The following MS4A13 variants were observed in gnomAD, a reference collection of about 807,000 sequenced individuals.
The protein encoded by MS4A13 is membrane spanning 4-domains A13, also known as membrane-spanning 4-domains subfamily A member 13.
Under a neutral mutation model 18.4 loss-of-function variants are expected in MS4A13, and 21 were observed. That is an observed-to-expected ratio of 1.14 (90% confidence interval 0.81 to 1.64). The LOEUF (loss-of-function observed/expected upper bound fraction) is 1.64. MS4A13 is among the 40% of genes most tolerant of loss of function. The pLI is 0.00. For synonymous variants in MS4A13, 62 were observed against 57.2 expected (o/e 1.08, Z -0.38); for missense variants, 173 against 176.8 (o/e 0.98, Z 0.12).
At chr11:60,532,466 G>C (rs2086777650) in intron 6 of MS4A13, among the ~76,000 whole-genome samples, 1 of 152,224 alleles carries the variant, frequency 6.6e-6, no homozygotes, top group Admixed American at 6.5e-5. Flanking sequence ...TTTCAGACCG[G>C]CTCAAAAAAC....
chr11:60,538,039 A>C (rs1170878136), intron 6 of MS4A13, among the ~76,000 whole-genome samples: 1 of 53,076 alleles, frequency 1.9e-5, no homozygotes, highest in Non-Finnish European at 3.4e-5. Flanking sequence ...GGGTCGGGGG[A>C]GGGGGGAGGG....
chr11:60,533,297 C>T (rs1191539061), intron 6 of MS4A13, among the ~76,000 whole-genome samples: 1 of 95,880 alleles, frequency 1.0e-5, no homozygotes, highest in Non-Finnish European at 2.1e-5. Flanking sequence ...GAATGTATAA[C>T]TAGAATAACC....
intron 6 of MS4A13, among the ~76,000 whole-genome samples, chr11:60,533,234 AG>A (rs1185049707): frequency 1.8e-5 from 1 of 56,570 alleles, no homozygotes; most frequent in Non-Finnish European, 3.6e-5. Flanking sequence ...GAGCTACGGG[AG>A]GACATTCAAA....
In MS4A13 at chr11:60,531,624, G is replaced by T. The variant is rs566093265; in HGVS notation, c.402+2164G>T. Among the ~76,000 whole-genome samples, 4 of 152,298 alleles carry T rather than the reference G, an allele frequency of 2.6e-5. 1 individual carries two copies. The East Asian group carries it at 7.7e-4, about 29-fold the overall frequency. On this transcript the variant is annotated intron_variant, in intron 6 of 6. Coordinates refer to ENST00000378186, the MANE Select transcript of MS4A13 (RefSeq NM_001012417.3). ...CTATAACAAAGCACCACAGACTGTA[G>T]CTTAAACAACAAACTTATTTTCTTA...
chr11:60,542,076 C>A (rs1426322405), intron 6 of MS4A13, among the ~76,000 whole-genome samples: 1 of 147,662 alleles, frequency 6.8e-6, no homozygotes, highest in Non-Finnish European at 1.5e-5. Context: ...CCACTGCACT[C>A]CAGCCTGGGC....
intron 6 of MS4A13, among the ~76,000 whole-genome samples, chr11:60,531,415 T>G (rs1384985628): frequency 3.3e-5 from 5 of 152,188 alleles, no homozygotes; most frequent in African/African-American, 1.2e-4. Context: ...TGTGCAAAGC[T>G]ATACACATAC....
intron 2 of MS4A13, among the ~76,000 whole-genome samples, chr11:60,516,466 T>C (rs1424866911): frequency 6.6e-6 from 1 of 152,244 alleles, no homozygotes; most frequent in African/African-American, 2.4e-5. Context: ...ATCATGCTTT[T>C]TCACATCCAA....
intron 3 of MS4A13, among the ~76,000 whole-genome samples, chr11:60,519,050 T>A (rs958530162): frequency 2.6e-5 from 4 of 151,994 alleles, no homozygotes; most frequent in African/African-American, 9.7e-5. Context: ...ATGATATGAG[T>A]AAATGGGGGT....
chr11:60,516,392 A>G (rs1209114660), intron 2 of MS4A13, among the ~76,000 whole-genome samples: 1 of 152,228 alleles, frequency 6.6e-6, no homozygotes, highest in Non-Finnish European at 1.5e-5. Flanking sequence ...TGTCTCTTCT[A>G]TTAAGTTATA....
chr11:60,538,189 A>AAAAC, intron 6 of MS4A13, among the ~76,000 whole-genome samples: 1 of 151,054 alleles, frequency 6.6e-6, no homozygotes, highest in Admixed American at 6.6e-5. Context: ...AAAAAAAAAA[A>AAAAC]AACGAAAAAA....
intron 6 of MS4A13, among the ~76,000 whole-genome samples, chr11:60,539,799 G>T (rs1407159821): frequency 6.6e-6 from 1 of 152,184 alleles, no homozygotes; most frequent in Non-Finnish European, 1.5e-5. Context: ...GAAGGTAGTG[G>T]AATGGGATAT....
intron 6 of MS4A13, among the ~76,000 whole-genome samples, chr11:60,539,895 C>A (rs142050640): frequency 6.6e-6 from 1 of 152,104 alleles, no homozygotes; most frequent in Non-Finnish European, 1.5e-5. Context: ...TACAGACATA[C>A]ACAGATGAAT....
intron 5 of MS4A13, among the ~76,000 whole-genome samples, chr11:60,528,004 A>G (rs1421239734): frequency 6.6e-6 from 1 of 152,216 alleles, no homozygotes; most frequent in African/African-American, 2.4e-5. Flanking sequence ...TTGGTATTTC[A>G]AACTTTCTAC....
chr11:60,527,362 GTCTCTCTCTCTC>G (rs1313348420), intron 5 of MS4A13, among the ~76,000 whole-genome samples: 1 of 62,584 alleles, frequency 1.6e-5, no homozygotes, highest in African/African-American at 7.3e-5. Context: ...CATTCATTCC[GTCTCTCTCTCTC>G]TCTCTCTCTC....
intron 6 of MS4A13, among the ~76,000 whole-genome samples, chr11:60,536,485 T>C (rs1331496892): frequency 2.6e-5 from 1 of 38,876 alleles, no homozygotes; most frequent in Non-Finnish European, 5.3e-5. Context: ...GAAGGACCTC[T>C]TCAAGGAGAA....
chr11:60,527,793 G>A (rs546244979), intron 5 of MS4A13, among the ~76,000 whole-genome samples: 5 of 152,016 alleles, frequency 3.3e-5, no homozygotes, highest in East Asian at 1.9e-4. Context: ...CCGAGATTGC[G>A]CCACTGCACT....
chr11:60,542,145 G>A (rs1272647827), intron 6 of MS4A13, among the ~76,000 whole-genome samples: 1 of 139,336 alleles, frequency 7.2e-6, no homozygotes, highest in Non-Finnish European at 1.5e-5. Flanking sequence ...AAGGAAGGAA[G>A]GAATGTAGGA....
chr11:60,540,204 C>G (rs1287421720), intron 6 of MS4A13, among the ~76,000 whole-genome samples: 1 of 152,166 alleles, frequency 6.6e-6, no homozygotes. Context: ...TACTCAGCTC[C>G]ACCTTTTAGC....
At chr11:60,540,509 A>G (rs2086848554) in intron 6 of MS4A13, among the ~76,000 whole-genome samples, 1 of 152,242 alleles carries the variant, frequency 6.6e-6, no homozygotes, top group Non-Finnish European at 1.5e-5. Flanking sequence ...GCTGTATTTT[A>G]CTGGAATTGA....
Sources: allele counts gnomAD v4.1 joint callset (sites outside exome capture counted in the v4.1 genomes callset), GRCh38; gene constraint gnomAD v4.1.1; transcripts MANE v1.5; gene names NCBI Gene and HGNC (gene_info 2026-07-23, HGNC 2026-07-21).